Variants in ENTREP1 observed in about 807,000 individuals in gnomAD.
ENTREP1 encodes endosomal transmembrane epsin interactor 1.
At chr9:69,338,768 A>G in the ENTREP1 span, among the ~76,000 whole-genome samples, 1 of 152,196 alleles carries the variant, frequency 6.6e-6, no homozygotes. Flanking sequence ...TTAAAACTGT[A>G]AGTAGGCTGC....
the ENTREP1 span, among the ~76,000 whole-genome samples, chr9:69,333,087 A>T: frequency 6.6e-6 from 1 of 152,216 alleles, no homozygotes; most frequent in Admixed American, 6.5e-5. Context: ...ATTTTTTTAC[A>T]AAAATTACAT....
the ENTREP1 span, chr9:69,387,808 T>C: frequency 9.8e-7 from 1 of 1,015,756 alleles, no homozygotes; most frequent in East Asian, 5.8e-5. Context: ...GTCAGCCACA[T>C]TTTTCCTGCT....
chr9:69,372,090 C>T, the ENTREP1 span, among the ~76,000 whole-genome samples: 187 of 152,258 alleles, frequency 1.2e-3, 2 homozygotes, highest in Middle Eastern at 0.017. Flanking sequence ...AGGCTGTTAT[C>T]ATGACTTCTG....
chr9:69,353,288 T>G, the ENTREP1 span, among the ~76,000 whole-genome samples: 81 of 152,238 alleles, frequency 5.3e-4, no homozygotes, highest in Non-Finnish European at 1.1e-3. Flanking sequence ...TGAAAGTCTC[T>G]TCAATCTTTT....
At chr9:69,391,860 T>A in the ENTREP1 span, 3 of 1,487,304 alleles carry the variant, frequency 2.0e-6, no homozygotes, top group Non-Finnish European at 2.7e-6. Flanking sequence ...TCTCTGCCAT[T>A]TCTTGGCTGG....
chr9:69,387,759 G>T, the ENTREP1 span: 1 of 485,588 alleles, frequency 2.1e-6, no homozygotes, highest in South Asian at 2.0e-5. Context: ...TCTCTTAATT[G>T]ACTACTTCAT....
the ENTREP1 span, among the ~76,000 whole-genome samples, chr9:69,361,418 T>C: frequency 0.37 from 56,513 of 152,024 alleles, 10,786 homozygotes; most frequent in Admixed American, 0.42. Context: ...TTCTTTCAGT[T>C]AATATAAGGT....
At chr9:69,343,350 C>A in the ENTREP1 span, among the ~76,000 whole-genome samples, 1 of 152,148 alleles carries the variant, frequency 6.6e-6, no homozygotes, top group Non-Finnish European at 1.5e-5. Flanking sequence ...GTTTATAAGA[C>A]CCACTTCAGT....
At chr9:69,352,102 C>T in the ENTREP1 span, among the ~76,000 whole-genome samples, 3 of 151,930 alleles carry the variant, frequency 2.0e-5, no homozygotes, top group Non-Finnish European at 4.4e-5. Context: ...CTAGGTCCTT[C>T]TTTTTTGTAT....
chr9:69,349,184 C>CAAAAAAAAAAAA, the ENTREP1 span, among the ~76,000 whole-genome samples: 2 of 85,290 alleles, frequency 2.3e-5, no homozygotes, highest in Admixed American at 1.4e-4. Context: ...AACTCCATCT[C>CAAAAAAAAAAAA]AAAAAAAAAA....
chr9:69,339,109 T>A, the ENTREP1 span, among the ~76,000 whole-genome samples: 2 of 152,136 alleles, frequency 1.3e-5, no homozygotes, highest in Non-Finnish European at 2.9e-5. Flanking sequence ...AGCCTCAAAC[T>A]CCTGGGCTCA....
the ENTREP1 span, chr9:69,387,485 C>T: frequency 5.3e-6 from 1 of 189,678 alleles, no homozygotes; most frequent in Non-Finnish European, 1.1e-5. Flanking sequence ...GGTCTTTACA[C>T]CCTTGCTGAT....
the ENTREP1 span, among the ~76,000 whole-genome samples, chr9:69,354,199 CTT>C: frequency 2.3e-3 from 348 of 149,480 alleles, 2 homozygotes; most frequent in African/African-American, 7.4e-3. Flanking sequence ...TGATATGTCT[CTT>C]AAGTTTCTTT....
At chr9:69,375,870 TCAAA>T in the ENTREP1 span, 1 of 1,612,228 alleles carries the variant, frequency 6.2e-7, no homozygotes, top group Non-Finnish European at 8.5e-7. Context: ...TTAAGGTACC[TCAAA>T]CAGATTCCCA....
the ENTREP1 span, chr9:69,385,727 AG>A: frequency 1.4e-6 from 2 of 1,429,038 alleles, no homozygotes; most frequent in Admixed American, 5.8e-5. Flanking sequence ...GCCCATTTTG[AG>A]GACTGCAGCT....
chr9:69,336,662 C>T, the ENTREP1 span, among the ~76,000 whole-genome samples: 5 of 152,202 alleles, frequency 3.3e-5, no homozygotes, highest in African/African-American at 1.2e-4. Context: ...TACAGCTATA[C>T]TCCCACTCAT....
chr9:69,370,144 G>A, the ENTREP1 span, among the ~76,000 whole-genome samples: 2 of 152,008 alleles, frequency 1.3e-5, no homozygotes, highest in Admixed American at 6.6e-5. Flanking sequence ...GCGTACTGAT[G>A]GGCATTATAA....
the ENTREP1 span, among the ~76,000 whole-genome samples, chr9:69,355,441 G>A: frequency 6.6e-6 from 1 of 152,140 alleles, no homozygotes; most frequent in Admixed American, 6.6e-5. Context: ...AGATTATAGT[G>A]ATCTGATCAC....
the ENTREP1 span, chr9:69,383,667 T>C: frequency 9.3e-6 from 15 of 1,613,998 alleles, no homozygotes; most frequent in African/African-American, 1.9e-4. Flanking sequence ...GCCACACATC[T>C]ACGGAGCTCG....
Sources: gnomAD v4.1 joint callset for allele counts (sites outside exome capture counted in the v4.1 genomes callset) on GRCh38, gnomAD v4.1.1 for gene constraint, MANE v1.5 for transcripts, NCBI Gene and HGNC (gene_info 2026-07-23, HGNC 2026-07-21) for gene names.